The following FOXP2 variants were observed in gnomAD, a reference collection of about 807,000 sequenced individuals.
The protein encoded by FOXP2 is forkhead box P2, also known as forkhead box protein P2.
Under a neutral mutation model 115.8 loss-of-function variants are expected in FOXP2, and 12 were observed. The observed-to-expected ratio is 0.10, with a 90% confidence interval of 0.07 to 0.17. FOXP2 has a LOEUF of 0.17. FOXP2 is among the 10% of genes least tolerant of loss of function. FOXP2 has a pLI of 1.00. For missense variants in FOXP2, 629 were observed against 843.5 expected (o/e 0.75, Z 3.15); for synonymous variants, 328 against 297.7 (o/e 1.10, Z -1.05).
chr7:114,414,882 T>C lies in FOXP2; in HGVS notation c.-489T>C, dbSNP rs983752191. The C allele has an allele frequency of 5.8e-6, 2 of 346,474 alleles. No homozygotes were observed. Among genetic ancestry groups the C allele is most frequent in the African/African-American group, 4.3e-5 (2 of 46,344 alleles). 21.5% of individuals were successfully genotyped at this position (346,474 alleles called of 1,614,324 possible). On this transcript the variant is annotated 5_prime_UTR_variant, in exon 1 of 17. Coordinates refer to ENST00000350908, the MANE Select transcript of FOXP2 (RefSeq NM_014491.4). ...GTGCTTTTGTCTCTCTCTCTCTGTC[T>C]TTCTCTCTCTCACACACACACTCAC...
At chr7:114,201,350 A>G (rs963403207) in intron 1 of FOXP2, among the ~76,000 whole-genome samples, 2 of 151,250 alleles carry the variant, frequency 1.3e-5, no homozygotes, top group Non-Finnish European at 3.0e-5. Flanking sequence ...GTTGTCCCAG[A>G]TACTCAGGAG....
chr7:114,630,125 T>C, intron 5 of FOXP2, 120 bp downstream of exon 5: 8 of 1,564,914 alleles, frequency 5.1e-6, no homozygotes, highest in Non-Finnish European at 6.9e-6. Flanking sequence ...TGCAGTATTA[T>C]ATATTTTTAC....
chr7:114,614,278 T>G (rs1803804027), intron 3 of FOXP2, among the ~76,000 whole-genome samples: 1 of 151,660 alleles, frequency 6.6e-6, no homozygotes, highest in Non-Finnish European at 1.5e-5. Context: ...AAAATGTCTT[T>G]AATTTGCTGT....
chr7:114,522,023 C>T (rs958195503), intron 2 of FOXP2, among the ~76,000 whole-genome samples: 1 of 152,104 alleles, frequency 6.6e-6, no homozygotes, highest in Non-Finnish European at 1.5e-5. Context: ...GACTAGGTGC[C>T]AGCTACTATG....
intron 1 of FOXP2, among the ~76,000 whole-genome samples, chr7:114,246,419 A>C (rs1795286229): frequency 6.6e-6 from 1 of 152,098 alleles, no homozygotes; most frequent in Admixed American, 6.6e-5. Flanking sequence ...TTTAGTTGCA[A>C]CTTTTAAATC....
intron 1 of FOXP2, among the ~76,000 whole-genome samples, chr7:114,109,934 C>T (rs983396753): frequency 1.3e-5 from 2 of 151,968 alleles, no homozygotes. Context: ...ATTTTGTATA[C>T]CAGCCCATTA....
chr7:114,144,764 A>G (rs750700555), intron 1 of FOXP2, among the ~76,000 whole-genome samples: 14 of 152,136 alleles, frequency 9.2e-5, no homozygotes, highest in Non-Finnish European at 1.9e-4. Context: ...TTTTACATGG[A>G]AAGAGTGATC....
chr7:114,415,581 A>G (rs912969432), intron 1 of FOXP2, among the ~76,000 whole-genome samples: 1 of 151,858 alleles, frequency 6.6e-6, no homozygotes, highest in Non-Finnish European at 1.5e-5. Context: ...ATGTAGATTT[A>G]AGCTATCACT....
chr7:114,545,377 G>A (rs925443788), intron 3 of FOXP2, among the ~76,000 whole-genome samples: 3 of 152,142 alleles, frequency 2.0e-5, no homozygotes, highest in Non-Finnish European at 4.4e-5. Context: ...TTCTTGAGAT[G>A]TCTCTCTCTG....
chr7:114,454,859 G>C (rs1181548670), intron 2 of FOXP2, among the ~76,000 whole-genome samples: 1 of 120,032 alleles, frequency 8.3e-6, no homozygotes, highest in Non-Finnish European at 1.7e-5. Flanking sequence ...TCACACTCTG[G>C]GGACTGTGGT....
chr7:114,125,899 G>T (rs972396913), intron 1 of FOXP2, among the ~76,000 whole-genome samples: 1 of 152,120 alleles, frequency 6.6e-6, no homozygotes. Context: ...CATATCAAAA[G>T]ACATTCAGTT....
intron 1 of FOXP2, among the ~76,000 whole-genome samples, chr7:114,276,532 A>T (rs914257427): frequency 2.0e-5 from 3 of 151,978 alleles, no homozygotes; most frequent in Non-Finnish European, 4.4e-5. Context: ...TGTTTCTTTG[A>T]TATCTACTGT....
intron 1 of FOXP2, among the ~76,000 whole-genome samples, chr7:114,235,434 C>T (rs1794985970): frequency 1.3e-5 from 2 of 151,642 alleles, no homozygotes; most frequent in African/African-American, 4.9e-5. Context: ...GTGAAATACC[C>T]CTTGAGCAAC....
At chr7:114,476,467 C>T (rs778580255) in intron 2 of FOXP2, among the ~76,000 whole-genome samples, 4 of 151,900 alleles carry the variant, frequency 2.6e-5, no homozygotes, top group South Asian at 2.1e-4. Context: ...CTATTCTGTT[C>T]TATTGTTCTA....
intron 3 of FOXP2, among the ~76,000 whole-genome samples, chr7:114,625,953 T>C (rs1027349316): frequency 6.6e-6 from 1 of 151,790 alleles, no homozygotes; most frequent in African/African-American, 2.4e-5. Flanking sequence ...TGTTCAATCA[T>C]GTATGTGTTA....
At chr7:114,457,657 C>T (rs556032330) in intron 2 of FOXP2, among the ~76,000 whole-genome samples, 1 of 151,984 alleles carries the variant, frequency 6.6e-6, no homozygotes. Context: ...CCAGCACTTT[C>T]GGAGGCCAAG....
intron 2 of FOXP2, among the ~76,000 whole-genome samples, chr7:114,432,877 T>A (rs139343994): frequency 1.3e-5 from 2 of 152,060 alleles, no homozygotes; most frequent in African/African-American, 4.8e-5. Flanking sequence ...AAACAGATGG[T>A]ATTGTTCTAT....
chr7:114,285,331 C>T (rs543070557), intron 1 of FOXP2: 1 of 152,122 alleles, frequency 6.6e-6, no homozygotes, highest in Non-Finnish European at 1.5e-5. Context: ...TTCAGCTACA[C>T]AGTGGCAATG....
chr7:114,271,727 A>AT (rs1491525047), intron 1 of FOXP2, among the ~76,000 whole-genome samples: 3 of 117,642 alleles, frequency 2.6e-5, no homozygotes, highest in Non-Finnish European at 4.8e-5. Flanking sequence ...TATGTATTAA[A>AT]TATATATTAA....
Sources: gnomAD v4.1 joint callset for allele counts (sites outside exome capture counted in the v4.1 genomes callset) on GRCh38, gnomAD v4.1.1 for gene constraint, MANE v1.5 for transcripts, NCBI Gene and HGNC (gene_info 2026-07-23, HGNC 2026-07-21) for gene names.